Variants in PIN4 observed in about 807,000 individuals in gnomAD.
PIN4 encodes peptidylprolyl cis/trans isomerase, NIMA-interacting 4.
PIN4 carries 3 observed loss-of-function variants against 8.3 expected under a neutral mutation model. The ratio of observed to expected loss-of-function variants is 0.36; its 90% CI spans 0.16 to 0.93. The LOEUF is 0.93. Among genes scored for constraint, PIN4 ranks in the 40% least tolerant of loss-of-function variants. PIN4 has a pLI of 0.44. For synonymous variants in PIN4, 18 were observed against 32.5 expected (o/e 0.55, Z 1.52); for missense variants, 75 against 100.6 (o/e 0.75, Z 1.09).
chrX:72,187,060 G>C (rs914180437), intron 2 of PIN4, among the ~76,000 whole-genome samples: 1 of 112,028 alleles, frequency 8.9e-6, no homozygotes, highest in African/African-American at 3.2e-5. Flanking sequence ...TAGTTTTTTA[G>C]TATTGTTCCT....
chrX:72,245,123 C>A (rs1224308604), intron 3 of PIN4, among the ~76,000 whole-genome samples: 1 of 84,825 alleles, frequency 1.2e-5, no homozygotes, highest in African/African-American at 4.5e-5. Flanking sequence ...GGGTTTGGGG[C>A]AGGAAAAAAG....
chrX:72,249,173 C>T (rs1488020044), intron 3 of PIN4, among the ~76,000 whole-genome samples: 1 of 112,111 alleles, frequency 8.9e-6, no homozygotes, highest in East Asian at 2.8e-4. Flanking sequence ...CCTCATGAGA[C>T]AGGATATATG....
At chrX:72,239,797 G>T (rs1291892400) in intron 3 of PIN4, among the ~76,000 whole-genome samples, 3 of 95,729 alleles carry the variant, frequency 3.1e-5, no homozygotes, top group African/African-American at 7.8e-5. Flanking sequence ...AAAAAAAAAG[G>T]CTGGGTGCAG....
intron 1 of PIN4, among the ~76,000 whole-genome samples, chrX:72,184,979 A>G (rs1387006913): frequency 9.3e-6 from 1 of 107,743 alleles, no homozygotes; most frequent in Non-Finnish European, 1.9e-5. Flanking sequence ...TGTCTCTACT[A>G]AAAATACAAA....
chrX:72,250,954 G>T, intron 3 of PIN4, among the ~76,000 whole-genome samples: 1 of 107,508 alleles, frequency 9.3e-6, no homozygotes, highest in Non-Finnish European at 1.9e-5. Flanking sequence ...TTGCCAGGCT[G>T]GTCTTGAACT....
intron 1 of PIN4, among the ~76,000 whole-genome samples, chrX:72,183,504 C>T (rs1353226927): frequency 9.0e-6 from 1 of 111,235 alleles, no homozygotes; most frequent in Admixed American, 9.6e-5. Flanking sequence ...TGGCCAGAGG[C>T]TGGAGAGACC....
At position 72,205,933 on chromosome X, in the gene PIN4, G is replaced by A. The variant is rs566814162; in HGVS notation, c.312+9029G>A. The A allele has an allele frequency of 1.7e-4, 203 of 1,209,638 alleles. 1 individual carries two copies. In the South Asian group the frequency reaches 3.2e-3, roughly 19 times the overall value. ...GAAATCACATGCATACTGTGGTGAA[G>A]ATGCTGAAGGTTCCTCTTCCAACTT... On this transcript the variant is annotated intron_variant, in intron 3 of 3. Coordinates refer to the PIN4 transcript ENST00000423432.
In PIN4 at chrX:72,219,969, A is replaced by G. The variant is rs780262402; in HGVS notation, c.312+23065A>G. Among the ~76,000 whole-genome samples the G allele has an allele frequency of 2.7e-5, 3 of 111,603 alleles. No homozygotes were observed. The South Asian group carries it at 1.1e-3, about 42-fold the overall frequency. The stretch of plus-strand genomic sequence containing the variant: ...GAGCGGGAAAAGCCTTTAGTCTTTC[A>G]CCATTAAGTACAATGTTAGCTATGG... On this transcript the variant is annotated intron_variant, in intron 3 of 3. Transcript: ENST00000423432.
rs2042774353 is a variant in PIN4 at position 72,197,750 on chromosome X, A to G, written c.*224A>G. The G allele has an allele frequency of 2.2e-6, 2 of 926,554 alleles. No individual in the cohort carries two copies. Among genetic ancestry groups the G allele is most frequent in the African/African-American group, 2.0e-5 (1 of 50,476 alleles). 76.4% of individuals were successfully genotyped at this position (926,554 alleles called of 1,213,427 possible). Reference sequence around the variant, plus strand: ...GTAGGTATTCAGTCAGTCTTTCTCAAAGAGAAGTCAAGCAGACTCCCTTTA... The same window carrying G: ...GTAGGTATTCAGTCAGTCTTTCTCAGAGAGAAGTCAAGCAGACTCCCTTTA... On this transcript the variant is annotated 3_prime_UTR_variant, in exon 4 of 4. Coordinates refer to ENST00000373669, the MANE Select transcript of PIN4 (RefSeq NM_006223.4).
chrX:72,197,193 T>A (rs1431888680), intron 3 of PIN4, 175 bp from the exon 4 acceptor site: 1 of 462,591 alleles, frequency 2.2e-6, no homozygotes. Context: ...AGTACTTATG[T>A]GTTCAGTCTA....
chrX:72,198,446 CTT>C (rs766845671), downstream of PIN4: 3 of 352,476 alleles, frequency 8.5e-6, no homozygotes, highest in Non-Finnish European at 1.1e-5. Context: ...AGATACCTGA[CTT>C]TCCCACTTGA....
downstream of PIN4, among the ~76,000 whole-genome samples, chrX:72,199,447 A>G (rs1388867179): frequency 8.9e-6 from 1 of 112,247 alleles, no homozygotes; most frequent in East Asian, 2.8e-4. Context: ...CTGAGCCACA[A>G]GAAATGCTTG....
At position 72,197,511 on chromosome X, in the gene PIN4, C is replaced by T. The variant is rs937788922; in HGVS notation, c.381C>T (p.Val127=). Residue 127 remains valine, a synonymous_variant, in exon 4 of 4, where the codon GTC becomes GTT. Coordinates refer to ENST00000373669, the MANE Select transcript of PIN4 (RefSeq NM_006223.4). ...AATTTGGATATCATATTATTATGGTCGAAGGAAGAAAATAAAATCATATGA... is the reference window on the plus strand; with the variant it reads ...AATTTGGATATCATATTATTATGGTTGAAGGAAGAAAATAAAATCATATGA... ...KTKFGYHIIM[V]EGRK is the part of the protein sequence containing the mutation. 5.9e-6 allele frequency: 7 copies of T among 1,195,772 alleles called. No homozygotes were observed. In the Admixed American group the frequency reaches 1.3e-4, roughly 23 times the overall value.
chrX:72,194,689 G>A (rs373996324), intron 2 of PIN4, among the ~76,000 whole-genome samples: 1 of 62,498 alleles, frequency 1.6e-5, no homozygotes, highest in Non-Finnish European at 2.9e-5. Flanking sequence ...GCAAAAGAGC[G>A]AAACTCCATC....
intron 3 of PIN4, among the ~76,000 whole-genome samples, chrX:72,235,123 C>A: frequency 8.9e-6 from 1 of 112,090 alleles, no homozygotes; most frequent in East Asian, 2.8e-4. Context: ...AAAGTATTAT[C>A]TTTTATCTTA....
At position 72,239,220 on chromosome X, in the gene PIN4, G is replaced by T. The variant is rs748645160; in HGVS notation, c.313-23487G>T. On this transcript the variant is annotated intron_variant, in intron 3 of 3. Coordinates refer to the PIN4 transcript ENST00000423432. ...GTGCTGCCTCAGTCTGTGATCCCTC[G>T]CGTTTCAATCCAATTCAAACCATGC... 2.7e-5 allele frequency among the ~76,000 whole-genome samples: 3 copies of T among 112,927 alleles called. No individual in the cohort carries two copies. In the South Asian group the frequency reaches 1.1e-3, roughly 41 times the overall value.
chrX:72,207,956 A>T, intron 3 of PIN4: 1 of 1,211,342 alleles, frequency 8.3e-7, no homozygotes, highest in Non-Finnish European at 1.1e-6. Flanking sequence ...GCAAAATCAA[A>T]TAGGGACCAT....
chrX:72,214,985 TCAAAA>T (rs2042880060), intron 3 of PIN4, among the ~76,000 whole-genome samples: 2 of 111,103 alleles, frequency 1.8e-5, no homozygotes, highest in African/African-American at 6.6e-5. Context: ...AGACTCTGAC[TCAAAA>T]CAAACAAACA....
chrX:72,258,273 G>C (rs2043121697), intron 3 of PIN4, among the ~76,000 whole-genome samples: 1 of 111,925 alleles, frequency 8.9e-6, no homozygotes, highest in Admixed American at 9.5e-5. Flanking sequence ...GAAACCTTCT[G>C]AGTTACCGGA....
Sources: gnomAD v4.1 joint callset for allele counts (sites outside exome capture counted in the v4.1 genomes callset) on GRCh38, gnomAD v4.1.1 for gene constraint, MANE v1.5 for transcripts, NCBI Gene and HGNC (gene_info 2026-07-23, HGNC 2026-07-21) for gene names.